Variants in MYCBP2 observed in about 807,000 individuals in gnomAD.
MYCBP2 encodes the protein E3 ubiquitin-protein ligase MYCBP2.
Under a neutral mutation model 525.3 loss-of-function variants are expected in MYCBP2, and 120 were observed. That is an observed-to-expected ratio of 0.23 (90% CI 0.20 to 0.27). MYCBP2 has a LOEUF of 0.27. MYCBP2 is among the 10% of genes least tolerant of loss of function. The probability of loss-of-function intolerance (pLI) is 1.00; values close to 1 mark genes in which losing one functional copy is unlikely to be tolerated. For synonymous variants in MYCBP2, 1,894 were observed against 1,955.8 expected (o/e 0.97, Z 0.83); for missense variants, 4,149 against 5,657.1 (o/e 0.73, Z 8.55).
chr13:77,292,530 T>TAA (rs35251022), intron 2 of MYCBP2, among the ~76,000 whole-genome samples: 37 of 149,676 alleles, frequency 2.5e-4, no homozygotes, highest in Middle Eastern at 3.4e-3. Context: ...ACACCAGATT[T>TAA]AAAAAAAAAA....
chr13:77,209,608 T>C (rs1199713480), intron 23 of MYCBP2, among the ~76,000 whole-genome samples: 2 of 152,174 alleles, frequency 1.3e-5, no homozygotes, highest in African/African-American at 4.8e-5. Flanking sequence ...CTAACTTTGG[T>C]TCTTAATACC....
rs770145037 is a variant in MYCBP2, at chr13:77,150,905, T to A, written c.6960A>T (p.Leu2320Phe). The A allele has an allele frequency of 2.5e-5, 40 of 1,613,988 alleles. No homozygotes were observed. The highest frequency in any genetic ancestry group is 5.0e-5 in the Admixed American group (3 of 59,998). ...GAGGTTTCTTTGCTTGATCTTGTTG[T>A]AAAGACATTTTTTTCTGAGAAACAG... is the stretch of plus-strand genomic sequence containing the variant. The part of the protein sequence containing the change: ...AVPVSQKKMS[L>F]QQDQAKKPQR... The change falls in exon 47 of 83, where the codon TTA becomes TTT. Residue 2320 changes from leucine (L) to phenylalanine (F), a missense_variant. This residue lies in a region of MYCBP2 where 692 missense variants were observed against 852.7 expected (regional missense o/e 0.81). Transcript: ENST00000544440.
At chr13:77,189,127 T>G in intron 29 of MYCBP2, 80 bp from the exon 30 acceptor site, 1 of 943,944 alleles carries the variant, frequency 1.1e-6, no homozygotes, top group Non-Finnish European at 1.5e-6. Flanking sequence ...TATACATTTT[T>G]GAATGGGAAA....
At chr13:77,149,140 A>G (rs1229547979) in intron 47 of MYCBP2, among the ~76,000 whole-genome samples, 3 of 151,952 alleles carry the variant, frequency 2.0e-5, no homozygotes, top group African/African-American at 4.8e-5. Flanking sequence ...TTCTATAGTC[A>G]AACATCTTGA....
intron 19 of MYCBP2, among the ~76,000 whole-genome samples, chr13:77,224,793 T>C (rs1014253578): frequency 6.6e-6 from 1 of 152,180 alleles, no homozygotes; most frequent in Non-Finnish European, 1.5e-5. Context: ...TTAATTCTTA[T>C]TAACACACTG....
intron 1 of MYCBP2, among the ~76,000 whole-genome samples, chr13:77,313,311 G>C (rs2080502626): frequency 6.6e-6 from 1 of 151,802 alleles, no homozygotes; most frequent in African/African-American, 2.4e-5. Flanking sequence ...GAACAGCAAA[G>C]TAAACTTAAA....
chr13:77,150,036 C>T (rs1256682222), intron 47 of MYCBP2, among the ~76,000 whole-genome samples: 2 of 152,114 alleles, frequency 1.3e-5, no homozygotes, highest in Admixed American at 6.5e-5. Flanking sequence ...TCTGAAAATG[C>T]CAAAATTACA....
intron 52 of MYCBP2, among the ~76,000 whole-genome samples, chr13:77,128,207 A>G (rs2052045019): frequency 6.6e-6 from 1 of 151,892 alleles, no homozygotes; most frequent in Admixed American, 6.6e-5. Flanking sequence ...TTGCTATTAC[A>G]CTCACAAGAT....
intron 21 of MYCBP2, among the ~76,000 whole-genome samples, chr13:77,216,671 T>G (rs995407213): frequency 6.6e-6 from 1 of 152,170 alleles, no homozygotes; most frequent in African/African-American, 2.4e-5. Context: ...GAGGATTCTA[T>G]TTTTCAAAAC....
chr13:77,175,984 A>T (rs916512574), intron 36 of MYCBP2, among the ~76,000 whole-genome samples: 1 of 149,936 alleles, frequency 6.7e-6, no homozygotes, highest in Non-Finnish European at 1.5e-5. Flanking sequence ...TAATTAAAAA[A>T]AAATAAAGAA....
chr13:77,060,202 T>C (rs1348655597), intron 76 of MYCBP2, among the ~76,000 whole-genome samples: 1 of 152,082 alleles, frequency 6.6e-6, no homozygotes, highest in Non-Finnish European at 1.5e-5. Context: ...GATTTGAAAA[T>C]TACAGACCAA....
At chr13:77,303,097 G>T (rs2078980702) in intron 1 of MYCBP2, among the ~76,000 whole-genome samples, 1 of 152,258 alleles carries the variant, frequency 6.6e-6, no homozygotes, top group Non-Finnish European at 1.5e-5. Flanking sequence ...CACTTTGGGA[G>T]GCCAAGGCAG....
intron 1 of MYCBP2, among the ~76,000 whole-genome samples, chr13:77,321,464 A>C (rs1194279060): frequency 6.6e-6 from 1 of 152,250 alleles, no homozygotes; most frequent in Non-Finnish European, 1.5e-5. Flanking sequence ...ATATTCCTAC[A>C]ATAAATAACG....
chr13:77,055,211 A>C (rs993424268), intron 80 of MYCBP2, among the ~76,000 whole-genome samples: 2 of 151,988 alleles, frequency 1.3e-5, no homozygotes, highest in African/African-American at 4.8e-5. Flanking sequence ...GTTGTCCTGG[A>C]AGCCAAGGAA....
chr13:77,311,733 G>C lies in MYCBP2; in HGVS notation c.302+14741C>G, dbSNP rs191013646. Among the ~76,000 whole-genome samples, 4 of 150,836 alleles carry C rather than the reference G, an allele frequency of 2.7e-5. No homozygotes were observed. In the East Asian group the frequency reaches 7.7e-4, roughly 29 times the overall value. ...TAAAAATAACCTCATCTGAAAAACAGAGAAAAAAAATTGATAGGAGACTGA... is the reference window on the plus strand; with the variant it reads ...TAAAAATAACCTCATCTGAAAAACACAGAAAAAAAATTGATAGGAGACTGA... On this transcript the variant is annotated intron_variant, in intron 1 of 82. Coordinates refer to ENST00000544440, the MANE Select transcript of MYCBP2 (RefSeq NM_015057.5).
intron 15 of MYCBP2, among the ~76,000 whole-genome samples, chr13:77,249,642 G>C (rs1783601691): frequency 6.6e-6 from 1 of 152,028 alleles, no homozygotes; most frequent in Non-Finnish European, 1.5e-5. Flanking sequence ...TGATCCTCTG[G>C]CCTCAGCCTC....
chr13:77,156,334 C>T, intron 45 of MYCBP2, 132 bp from the exon 46 acceptor site: 1 of 816,836 alleles, frequency 1.2e-6, no homozygotes, highest in South Asian at 2.2e-5. Context: ...TCATTTCCAA[C>T]TCAGTGATAA....
At position 77,286,774 on chromosome 13, in the gene MYCBP2, AAAAAAAAAAAAAAAAAT is replaced by A. The variant is rs1469123670; in HGVS notation, c.594+1370_594+1386del. 8.3e-4 allele frequency among the ~76,000 whole-genome samples: 84 copies of A among 101,140 alleles called. 2 individuals carry two copies. The highest frequency in any genetic ancestry group is 3.4e-3 in the African/African-American group (79 of 23,340). 66.4% of individuals were successfully genotyped at this position (101,140 alleles called of 152,430 possible). ...CCGTCTCAAAAAAAAAAAAAAAAAA[AAAAAAAAAAAAAAAAAT>A]ATATATATATATATATATATATATA... On this transcript the variant is annotated intron_variant, in intron 3 of 82. Coordinates refer to ENST00000544440, the MANE Select transcript of MYCBP2 (RefSeq NM_015057.5).
At position 77,271,232 on chromosome 13, in the gene MYCBP2, G is replaced by A. The variant is rs563654721; in HGVS notation, c.946-694C>T. On this transcript the variant is annotated intron_variant, in intron 5 of 82. Transcript: ENST00000544440. ...TTGTTTCTGCTAATTCTCAATAATG[G>A]TGCCTTTTTCCATGTGCTTTTTTTA... 5.9e-5 allele frequency among the ~76,000 whole-genome samples: 9 copies of A among 152,152 alleles called. No individual in the cohort carries two copies. The South Asian group carries it at 8.3e-4, about 14-fold the overall frequency.
Sources: gnomAD v4.1 joint callset for allele counts (sites outside exome capture counted in the v4.1 genomes callset) on GRCh38, gnomAD v4.1.1 for gene constraint, gnomAD v4.1.1 regional missense constraint, MANE v1.5 for transcripts, NCBI Gene and HGNC (gene_info 2026-07-23, HGNC 2026-07-21) for gene names.